RBBP5: variants seen among roughly 807,000 people sequenced by gnomAD.
RBBP5 encodes the protein retinoblastoma-binding protein 5.
In RBBP5, 5 loss-of-function variants were observed where a neutral mutation model predicts 72.2. The ratio of observed to expected loss-of-function variants is 0.07; its 90% confidence interval spans 0.04 to 0.15. The LOEUF (loss-of-function observed/expected upper bound fraction) is 0.15. Among genes scored for constraint, RBBP5 ranks in the 10% least tolerant of loss-of-function variants. RBBP5 has a pLI of 1.00. For missense variants in RBBP5, 322 were observed against 652.2 expected, an observed-to-expected ratio of 0.49 and a Z score of 5.51; for synonymous variants, 209 against 237.2, an observed-to-expected ratio of 0.88 and a Z score of 1.09.
At chr1:205,097,758 T>C (rs961031686) in intron 10 of RBBP5, among the ~76,000 whole-genome samples, 2 of 152,236 alleles carry the variant, frequency 1.3e-5, no homozygotes, top group Non-Finnish European at 2.9e-5. Flanking sequence ...CATAACCCTA[T>C]AATCTAGAAC....
intron 10 of RBBP5, 98 bp downstream of exon 10, chr1:205,098,891 A>G: frequency 1.4e-6 from 1 of 728,502 alleles, no homozygotes; most frequent in South Asian, 2.9e-5. Flanking sequence ...GGCATTTTAG[A>G]TGAAGTGCTG....
At chr1:205,094,265 A>G (rs1655526534) in intron 13 of RBBP5, among the ~76,000 whole-genome samples, 1 of 152,212 alleles carries the variant, frequency 6.6e-6, no homozygotes, top group African/African-American at 2.4e-5. Flanking sequence ...GTTTTCAGAT[A>G]TTGGAAAAAA....
intron 3 of RBBP5, among the ~76,000 whole-genome samples, chr1:205,112,893 C>A (rs1410113375): frequency 6.6e-6 from 1 of 152,168 alleles, no homozygotes; most frequent in Non-Finnish European, 1.5e-5. Flanking sequence ...GAGGCTGAGG[C>A]AGGAGGATCG....
At chr1:205,105,635 T>C (rs1483473398) in intron 3 of RBBP5, among the ~76,000 whole-genome samples, 2 of 152,156 alleles carry the variant, frequency 1.3e-5, no homozygotes, top group Non-Finnish European at 2.9e-5. Flanking sequence ...GGACATAATA[T>C]ATAAAACAGA....
At chr1:205,112,375 C>T (rs950065780) in intron 3 of RBBP5, among the ~76,000 whole-genome samples, 2 of 152,128 alleles carry the variant, frequency 1.3e-5, no homozygotes, top group Non-Finnish European at 2.9e-5. Flanking sequence ...GCTTTTCTGA[C>T]CGTTATTCCC....
intron 3 of RBBP5, among the ~76,000 whole-genome samples, chr1:205,105,943 A>G (rs1656045962): frequency 6.6e-6 from 1 of 152,258 alleles, no homozygotes; most frequent in Admixed American, 6.5e-5. Context: ...TGAAGCAGAT[A>G]GCCTAGACTT....
intron 13 of RBBP5, chr1:205,091,842 T>C (rs1655363129): frequency 6.6e-6 from 1 of 152,208 alleles, no homozygotes; most frequent in South Asian, 2.1e-4. Flanking sequence ...ACCGGAGTGA[T>C]TTTTGAAGAT....
chr1:205,108,635 C>CTTTT (rs1369052362), intron 3 of RBBP5, among the ~76,000 whole-genome samples: 1 of 152,082 alleles, frequency 6.6e-6, no homozygotes, highest in Non-Finnish European at 1.5e-5. Flanking sequence ...AAAAGTAACC[C>CTTTT]AAAACCGATA....
At chr1:205,111,074 A>T (rs1411645195) in intron 3 of RBBP5, among the ~76,000 whole-genome samples, 2 of 151,666 alleles carry the variant, frequency 1.3e-5, no homozygotes, top group South Asian at 2.1e-4. Flanking sequence ...GAAAAAATTT[A>T]AAAAAAACAA....
At chr1:205,115,939 A>C in intron 1 of RBBP5, 56 bp from the exon 2 acceptor site, 1 of 1,614,028 alleles carries the variant, frequency 6.2e-7, no homozygotes, top group Non-Finnish European at 8.5e-7. Flanking sequence ...CAAGGATCAT[A>C]CAACTCACGA....
chr1:205,091,511 A>T lies in RBBP5; in HGVS notation c.1589-2696T>A, dbSNP rs188900583. 86 of 152,336 alleles carry T rather than the reference A, an allele frequency of 5.6e-4. 1 individual carries two copies. Among genetic ancestry groups the T allele is most frequent in the Admixed American group, 5.0e-3 (76 of 15,306 alleles). 9.4% of individuals were successfully genotyped at this position (152,336 alleles called of 1,614,324 possible). ...CAACACTGACAAGCTGTTTGACAGG[A>T]AACAATTTTCTATAGCCCCAGATTC... On this transcript the variant is annotated intron_variant, in intron 13 of 13. Coordinates refer to ENST00000264515, the MANE Select transcript of RBBP5 (RefSeq NM_005057.4).
chr1:205,105,364 T>C (rs774810513), intron 3 of RBBP5, among the ~76,000 whole-genome samples, 196 bp from the exon 4 acceptor site: 2 of 152,128 alleles, frequency 1.3e-5, no homozygotes, highest in Non-Finnish European at 2.9e-5. Context: ...CATTTTACTA[T>C]CTAGTAATGG....
Position 205,106,508 on chromosome 1 carries a change from G to C in RBBP5, c.219-1340C>G, listed in dbSNP as rs180846999. ...GCTACTCGGGAGGCTTGAGGCAGGA[G>C]AATCGCTTGAACCTGGGAGGCAGAA... On this transcript the variant is annotated intron_variant, in intron 3 of 13. Transcript: ENST00000264515. Among the ~76,000 whole-genome samples the C allele has an allele frequency of 1.1e-3, 163 of 152,258 alleles. 1 individual carries two copies. The highest frequency in any genetic ancestry group is 3.7e-3 in the African/African-American group (154 of 41,546).
In RBBP5 at chr1:205,087,827, A is replaced by G. The variant is rs2151210020; in HGVS notation, c.*960T>C. 1 of 152,784 alleles carries G rather than the reference A, an allele frequency of 6.5e-6. No individual in the cohort carries two copies. The highest frequency in any genetic ancestry group is 1.9e-4 in the East Asian group (1 of 5,182). The allele number at this position is 152,784 out of a possible 1,614,324, so 9.5% of individuals were successfully genotyped here. ...ACAGGTATAGGCAGGGAAAAATGCAATGACTGATGAGGATAGATTTCCACA... is the reference window on the plus strand; with the variant it reads ...ACAGGTATAGGCAGGGAAAAATGCAGTGACTGATGAGGATAGATTTCCACA... On this transcript the variant is annotated 3_prime_UTR_variant, in exon 14 of 14. Coordinates refer to ENST00000264515, the MANE Select transcript of RBBP5 (RefSeq NM_005057.4).
Position 205,088,696 on chromosome 1 carries a change from TTA to T in RBBP5, c.*89_*90del. On this transcript the variant is annotated 3_prime_UTR_variant, in exon 14 of 14. Coordinates refer to ENST00000264515, the MANE Select transcript of RBBP5 (RefSeq NM_005057.4). The stretch of plus-strand genomic sequence containing the variant: ...TGGGTGGGAGGCACAGGCCTTTGTT[TTA>T]AATTAAAGTCAATTTTCAAATGACT... 1 of 1,396,258 alleles carries T rather than the reference TTA, an allele frequency of 7.2e-7. No homozygotes were observed. The highest frequency in any genetic ancestry group is 9.9e-7 in the Non-Finnish European group (1 of 1,009,594). The allele number at this position is 1,396,258 out of a possible 1,614,324, so 86.5% of individuals were successfully genotyped here. A position where few individuals can be genotyped will look rare whatever the true frequency, so the allele number is the denominator to read the frequency against.
intron 11 of RBBP5, 32 bp downstream of exon 11, chr1:205,097,294 G>C (rs758976197): frequency 3.6e-5 from 55 of 1,549,258 alleles, no homozygotes; most frequent in Non-Finnish European, 4.8e-5. Flanking sequence ...AGCAGCAGTA[G>C]CCAAGGTGCC....
intron 3 of RBBP5, among the ~76,000 whole-genome samples, chr1:205,107,894 C>T (rs1016899517): frequency 2.1e-5 from 3 of 141,412 alleles, no homozygotes; most frequent in Non-Finnish European, 4.6e-5. Flanking sequence ...TGCAGTGAGC[C>T]GAGATCGCGC....
At chr1:205,110,617 G>A (rs1052188992) in intron 3 of RBBP5, among the ~76,000 whole-genome samples, 2 of 152,008 alleles carry the variant, frequency 1.3e-5, no homozygotes, top group African/African-American at 2.4e-5. Context: ...ATATTATGTG[G>A]ATATATGTAT....
intron 6 of RBBP5, 109 bp from the exon 7 acceptor site, chr1:205,100,380 C>G: frequency 7.6e-7 from 1 of 1,322,016 alleles, no homozygotes; most frequent in Non-Finnish European, 1.0e-6. Flanking sequence ...AAGTAATAGA[C>G]TAGAATATTT....
Sources: gnomAD v4.1 joint callset for allele counts (sites outside exome capture counted in the v4.1 genomes callset) on GRCh38, gnomAD v4.1.1 for gene constraint, MANE v1.5 for transcripts, NCBI Gene and HGNC (gene_info 2026-07-23, HGNC 2026-07-21) for gene names.